The following NCALD variants were observed in gnomAD, a reference collection of about 807,000 sequenced individuals.
NCALD encodes the protein neurocalcin-delta.
A neutral mutation model predicts 18.6 loss-of-function variants in NCALD; 10 were observed. The observed-to-expected ratio is 0.54, with a 90% CI of 0.33 to 0.91. NCALD has a LOEUF of 0.91. NCALD is among the 40% of genes least tolerant of loss of function. The pLI, the probability that NCALD is intolerant of heterozygous loss-of-function variation, is 0.03. For missense variants in NCALD, 184 were observed against 247.6 expected, an observed-to-expected ratio of 0.74 and a Z score of 1.72; for synonymous variants, 88 against 87.4, an observed-to-expected ratio of 1.01 and a Z score of -0.04.
chr8:102,100,005 G>GAAAAAGAAA (rs1554596978), intron 1 of NCALD, among the ~76,000 whole-genome samples: 5 of 146,718 alleles, frequency 3.4e-5, no homozygotes, highest in African/African-American at 1.3e-4. Context: ...AGAAGAAGAA[G>GAAAAAGAAA]AAGAAAAAGA....
intron 1 of NCALD, among the ~76,000 whole-genome samples, chr8:101,785,123 C>T (rs963077900): frequency 6.6e-6 from 1 of 152,172 alleles, no homozygotes; most frequent in African/African-American, 2.4e-5. Flanking sequence ...TTTGTTTAAG[C>T]TCTCTGTGCC....
chr8:101,895,806 AG>A (rs1200666569), intron 3 of NCALD, among the ~76,000 whole-genome samples: 1 of 146,298 alleles, frequency 6.8e-6, no homozygotes, highest in East Asian at 1.9e-4. Context: ...CCAACTTACA[AG>A]GGATGTGAAG....
chr8:101,731,143 A>G (rs1364236873), intron 1 of NCALD, among the ~76,000 whole-genome samples: 1 of 152,108 alleles, frequency 6.6e-6, no homozygotes, highest in Non-Finnish European at 1.5e-5. Context: ...AAAACAGTGA[A>G]CGAGAGGGCT....
intron 4 of NCALD, among the ~76,000 whole-genome samples, chr8:101,879,858 C>T (rs1816407160): frequency 6.6e-6 from 1 of 152,152 alleles, no homozygotes; most frequent in Non-Finnish European, 1.5e-5. Context: ...TACAATCCTC[C>T]AACTAGACAT....
At chr8:102,103,568 T>C (rs1825355903) in intron 1 of NCALD, among the ~76,000 whole-genome samples, 1 of 152,144 alleles carries the variant, frequency 6.6e-6, no homozygotes, top group Non-Finnish European at 1.5e-5. Context: ...TTCTTTCTTT[T>C]TTTTGAGACA....
intron 2 of NCALD, among the ~76,000 whole-genome samples, chr8:101,938,266 T>C (rs1237902033): frequency 1.3e-5 from 2 of 152,246 alleles, no homozygotes; most frequent in African/African-American, 4.8e-5. Flanking sequence ...ATATGATACA[T>C]ATACATATTT....
intron 4 of NCALD, among the ~76,000 whole-genome samples, chr8:101,832,669 C>T (rs1352221820): frequency 6.6e-6 from 1 of 152,122 alleles, no homozygotes; most frequent in Non-Finnish European, 1.5e-5. Flanking sequence ...AAGCAAACAC[C>T]TGATTTCAGG....
chr8:101,904,093 G>A (rs484657), intron 3 of NCALD, among the ~76,000 whole-genome samples: 59,912 of 152,086 alleles, frequency 0.39, 15,272 homozygotes, highest in African/African-American at 0.72. Flanking sequence ...AGCCTGTTCA[G>A]TTCTGTTTCT....
chr8:102,032,622 T>TAAAAAAAA lies in NCALD; in HGVS notation c.-209-12341_-209-12334dup, dbSNP rs59283854. Among the ~76,000 whole-genome samples the TAAAAAAAA allele has an allele frequency of 9.5e-5, 10 of 104,986 alleles. 1 individual carries two copies. Among genetic ancestry groups the TAAAAAAAA allele is most frequent in the Admixed American group, 2.2e-4 (2 of 9,078 alleles). 68.9% of individuals were successfully genotyped at this position (104,986 alleles called of 152,430 possible). On this transcript the variant is annotated intron_variant, in intron 1 of 6. Transcript: ENST00000311028. Reference sequence around the variant, plus strand: ...GGAAAGAACAGAATAGAAAAACTGCTAAAAAAAAAAAAAAAAAAAAGAGGA... The same window carrying TAAAAAAAA: ...GGAAAGAACAGAATAGAAAAACTGCTAAAAAAAAAAAAAAAAAAAAAAAAAAAAGAGGA...
intron 3 of NCALD, among the ~76,000 whole-genome samples, chr8:101,893,098 A>C (rs1043795581): frequency 3.3e-5 from 5 of 151,498 alleles, no homozygotes; most frequent in Admixed American, 2.6e-4. Context: ...AAAAAATGTT[A>C]AGGGCAGCCA....
intron 2 of NCALD, among the ~76,000 whole-genome samples, chr8:101,990,645 G>A (rs757601843): frequency 1.2e-4 from 19 of 152,150 alleles, no homozygotes; most frequent in Non-Finnish European, 2.6e-4. Context: ...CTGCCTCCAG[G>A]TGAGAGGTGT....
intron 2 of NCALD, among the ~76,000 whole-genome samples, chr8:102,008,114 A>C (rs1253741211): frequency 6.6e-6 from 1 of 152,236 alleles, no homozygotes; most frequent in African/African-American, 2.4e-5. Context: ...AAATGTTGAC[A>C]TTATTACTTG....
At chr8:101,749,123 C>G (rs1406643152) in intron 1 of NCALD, among the ~76,000 whole-genome samples, 1 of 152,224 alleles carries the variant, frequency 6.6e-6, no homozygotes, top group Non-Finnish European at 1.5e-5. Flanking sequence ...GCTTTGCTTT[C>G]TAACACTTAT....
At chr8:101,692,295 A>G (rs1018347984) in intron 3 of NCALD, 9 of 985,298 alleles carry the variant, frequency 9.1e-6, no homozygotes, top group Non-Finnish European at 1.1e-5. Flanking sequence ...CCCAGTGACT[A>G]TGGGAGCCCA....
At chr8:101,926,378 T>C (rs1034326291) in intron 2 of NCALD, among the ~76,000 whole-genome samples, 2 of 152,200 alleles carry the variant, frequency 1.3e-5, no homozygotes, top group Non-Finnish European at 2.9e-5. Context: ...GATTACATGC[T>C]AAGCTTTCTA....
intron 1 of NCALD, among the ~76,000 whole-genome samples, chr8:102,035,060 G>T (rs1000463468): frequency 1.2e-4 from 18 of 152,098 alleles, no homozygotes; most frequent in African/African-American, 3.9e-4. Flanking sequence ...TACGCACATG[G>T]TTTTTAAAAA....
At chr8:102,104,301 A>G (rs1825378758) in intron 1 of NCALD, among the ~76,000 whole-genome samples, 1 of 152,188 alleles carries the variant, frequency 6.6e-6, no homozygotes, top group African/African-American at 2.4e-5. Flanking sequence ...CAAAGCCTGT[A>G]TGTAATTTAC....
At chr8:102,038,412 C>A (rs771446235) in intron 1 of NCALD, among the ~76,000 whole-genome samples, 1 of 152,170 alleles carries the variant, frequency 6.6e-6, no homozygotes, top group Non-Finnish European at 1.5e-5. Flanking sequence ...ATGGGGCTTG[C>A]AGAGTCTATG....
At chr8:102,108,864 A>C (rs1402089297) in intron 1 of NCALD, among the ~76,000 whole-genome samples, 1 of 152,240 alleles carries the variant, frequency 6.6e-6, no homozygotes, top group Non-Finnish European at 1.5e-5. Context: ...AAGAAAGGGA[A>C]TCAGAAGGAC....
Sources: allele counts gnomAD v4.1 joint callset (sites outside exome capture counted in the v4.1 genomes callset), GRCh38; gene constraint gnomAD v4.1.1; transcripts MANE v1.5; gene names NCBI Gene and HGNC (gene_info 2026-07-23, HGNC 2026-07-21).